The following UBAC1 variants were observed in gnomAD, a reference collection of about 807,000 sequenced individuals.
The protein encoded by UBAC1 is ubiquitin-associated domain-containing protein 1.
Under a neutral mutation model 45.9 loss-of-function variants are expected in UBAC1, and 27 were observed. That is an observed-to-expected ratio of 0.59 (90% CI 0.43 to 0.81). The LOEUF is 0.81. Ranked by LOEUF, UBAC1 falls within the 30% of genes least tolerant of loss-of-function variation. UBAC1 has a pLI of 0.00. For synonymous variants in UBAC1, 227 were observed against 215.5 expected, an observed-to-expected ratio of 1.05 and a Z score of -0.47; for missense variants, 529 against 539.2, an observed-to-expected ratio of 0.98 and a Z score of 0.19.
chr9:135,941,443 A>C (rs1455871581), intron 7 of UBAC1, among the ~76,000 whole-genome samples: 1 of 152,224 alleles, frequency 6.6e-6, no homozygotes, highest in Non-Finnish European at 1.5e-5. Context: ...TTTATGGTCC[A>C]TCACAATTGC....
intron 6 of UBAC1, chr9:135,945,601 T>C: frequency 1.9e-6 from 1 of 531,268 alleles, no homozygotes; most frequent in Non-Finnish European, 3.3e-6. Flanking sequence ...GGCAAGTAAC[T>C]CACACGGGAA....
chr9:135,947,644 T>C, intron 4 of UBAC1, 154 bp downstream of exon 4: 1 of 502,732 alleles, frequency 2.0e-6, no homozygotes, highest in East Asian at 3.4e-5. Flanking sequence ...ACAGAAAAAA[T>C]GCAAAATAGT....
intron 9 of UBAC1, among the ~76,000 whole-genome samples, chr9:135,937,217 G>A (rs946632147): frequency 6.6e-6 from 1 of 152,068 alleles, no homozygotes; most frequent in African/African-American, 2.4e-5. Context: ...GCTGAGGCAG[G>A]TGGATCACGA....
At chr9:135,933,690 C>T (rs1048173724) in intron 9 of UBAC1, among the ~76,000 whole-genome samples, 175 bp from the exon 10 acceptor site, 2 of 152,212 alleles carry the variant, frequency 1.3e-5, no homozygotes, top group Non-Finnish European at 2.9e-5. Flanking sequence ...CCAACTCCAT[C>T]GGATGCACCC....
chr9:135,959,203 G>C lies in UBAC1; in HGVS notation c.138+1822C>G, dbSNP rs140777739. ...GGACATCCCATGTCGATGCAGTGTGGGGTCCACAGGATATTTTTGTCTATT... is the reference window on the plus strand; with the variant it reads ...GGACATCCCATGTCGATGCAGTGTGCGGTCCACAGGATATTTTTGTCTATT... On this transcript the variant is annotated intron_variant, in intron 1 of 9. Coordinates refer to ENST00000371756, the MANE Select transcript of UBAC1 (RefSeq NM_016172.3). Among the ~76,000 whole-genome samples, 5 of 152,230 alleles carry C rather than the reference G, an allele frequency of 3.3e-5. No individual in the cohort carries two copies. The East Asian group carries it at 9.6e-4, about 29-fold the overall frequency.
At position 135,955,283 on chromosome 9, in the gene UBAC1, C is replaced by T. The variant is rs368779034; in HGVS notation, c.259+12G>A. 12 of 1,550,952 alleles carry T rather than the reference C, an allele frequency of 7.7e-6. 1 individual carries two copies. In the South Asian group the frequency reaches 8.6e-5, roughly 11 times the overall value. ...TGCCTGCTGCCAACCCGCCCGCCCACAGCAGCCTTACCTTGGTCCTGGATG... is the reference window on the plus strand; with the variant it reads ...TGCCTGCTGCCAACCCGCCCGCCCATAGCAGCCTTACCTTGGTCCTGGATG... On this transcript the variant is annotated intron_variant, in intron 2 of 9. Transcript: ENST00000371756.
intron 2 of UBAC1, chr9:135,954,000 G>A (rs6537919): frequency 0.75 from 174,307 of 230,898 alleles, 66,039 homozygotes; most frequent in African/African-American, 0.81. Flanking sequence ...TTAGCCAGGC[G>A]TGGTGGCGCA....
rs1181770113 is a variant in UBAC1 at position 135,933,145 on chromosome 9, G to A, written c.*255C>T. ...AAGAGCCCAGAGGAGCACTGGAGAC[G>A]AGGCCATCACTCCACTTCCCAGTGC... On this transcript the variant is annotated 3_prime_UTR_variant, in exon 10 of 10. Transcript: ENST00000371756. 4.4e-6 allele frequency: 2 copies of A among 451,712 alleles called. No individual in the cohort carries two copies. The highest frequency in any genetic ancestry group is 4.0e-5 in the African/African-American group (2 of 50,482). The allele number at this position is 451,712 out of a possible 1,614,324, so 28.0% of individuals were successfully genotyped here.
chr9:135,945,713 C>A, intron 6 of UBAC1, 176 bp downstream of exon 6: 1 of 602,398 alleles, frequency 1.7e-6, no homozygotes, highest in Admixed American at 2.9e-5. Context: ...ACTGTTCTGT[C>A]ACATTCACCC....
At chr9:135,945,820 A>T in intron 6 of UBAC1, 69 bp downstream of exon 6, 1 of 1,311,760 alleles carries the variant, frequency 7.6e-7, no homozygotes, top group Non-Finnish European at 1.1e-6. Flanking sequence ...GACGTCACCC[A>T]CGGTGGGAGC....
chr9:135,933,570 C>T, intron 9 of UBAC1, 55 bp from the exon 10 acceptor site: 1 of 1,349,928 alleles, frequency 7.4e-7, no homozygotes, highest in Non-Finnish European at 1.1e-6. Context: ...AGCCCACAGG[C>T]ACAGGCGTGA....
intron 9 of UBAC1, among the ~76,000 whole-genome samples, chr9:135,934,654 C>T (rs62585227): frequency 0.02 from 3,115 of 152,060 alleles, 36 homozygotes; most frequent in Non-Finnish European, 0.032. Flanking sequence ...AGTGAGACTC[C>T]GTCTCAAAAA....
chr9:135,937,440 C>CAA (rs57527185), intron 9 of UBAC1, among the ~76,000 whole-genome samples: 2,226 of 99,332 alleles, frequency 0.022, 97 homozygotes, highest in African/African-American at 0.039. Flanking sequence ...GACTCTGTCT[C>CAA]AAAAAAAAAA....
At chr9:135,943,648 T>G (rs1033931552) in intron 7 of UBAC1, among the ~76,000 whole-genome samples, 7 of 152,294 alleles carry the variant, frequency 4.6e-5, no homozygotes, top group Non-Finnish European at 7.3e-5. Context: ...TATAAAGATA[T>G]GTGCACACGT....
At chr9:135,958,193 C>T (rs190100499) in intron 1 of UBAC1, among the ~76,000 whole-genome samples, 1 of 151,972 alleles carries the variant, frequency 6.6e-6, no homozygotes, top group Non-Finnish European at 1.5e-5. Context: ...ACTACAGGTG[C>T]CCGCCACCAC....
chr9:135,955,190 A>C, intron 2 of UBAC1, 105 bp downstream of exon 2: 1 of 1,211,760 alleles, frequency 8.3e-7, no homozygotes. Flanking sequence ...GCTCGTGTCC[A>C]GCTCAGAACA....
intron 4 of UBAC1, among the ~76,000 whole-genome samples, chr9:135,946,655 A>G (rs1839340994): frequency 6.6e-6 from 1 of 152,210 alleles, no homozygotes; most frequent in Non-Finnish European, 1.5e-5. Context: ...CCGTCGGCCC[A>G]GCTGGCGCAG....
rs560338772 is a variant in UBAC1, at chr9:135,942,080, C to T, written c.877-2321G>A. 7 of 152,282 alleles carry T rather than the reference C, an allele frequency of 4.6e-5. 1 individual carries two copies. The highest frequency in any genetic ancestry group is 2.1e-4 in the South Asian group (1 of 4,820). The allele number at this position is 152,282 out of a possible 1,614,324, so 9.4% of individuals were successfully genotyped here. On this transcript the variant is annotated intron_variant, in intron 7 of 9. Transcript: ENST00000371756. The stretch of plus-strand genomic sequence containing the variant: ...GGCAATGGGGAAGATCTTAGGAAAA[C>T]GAGCACGTTAAGATTGTTAAGAATG...
At chr9:135,937,335 G>A (rs1357997474) in intron 9 of UBAC1, among the ~76,000 whole-genome samples, 1 of 151,938 alleles carries the variant, frequency 6.6e-6, no homozygotes, top group Non-Finnish European at 1.5e-5. Flanking sequence ...CAGGTACTCA[G>A]GAGGCTGAGG....
Sources: allele counts gnomAD v4.1 joint callset (sites outside exome capture counted in the v4.1 genomes callset), GRCh38; gene constraint gnomAD v4.1.1; transcripts MANE v1.5; gene names NCBI Gene and HGNC (gene_info 2026-07-23, HGNC 2026-07-21).